The following CAMTA1 variants were observed in gnomAD, a reference collection of about 807,000 sequenced individuals.
CAMTA1 encodes calmodulin-binding transcription activator 1.
In CAMTA1, 27 loss-of-function variants were observed where a neutral mutation model predicts 170.9. That is an observed-to-expected ratio of 0.16 (90% CI 0.12 to 0.22). CAMTA1 has a LOEUF of 0.22. Ranked by LOEUF, CAMTA1 falls within the 10% of genes least tolerant of loss-of-function variation. The pLI is 1.00. For synonymous variants in CAMTA1, 833 were observed against 891.5 expected, an observed-to-expected ratio of 0.93 and a Z score of 1.17; for missense variants, 1,619 against 2,217.2, an observed-to-expected ratio of 0.73 and a Z score of 5.42.
Position 7,144,606 on chromosome 1 carries a change from C to T in CAMTA1, c.302+53235C>T, listed in dbSNP as rs56385977. ...AGGACTTACTCTCATTTTCAGAACTCGTTACGAGACTTGTTTATACAGATA... is the reference window on the plus strand; with the variant it reads ...AGGACTTACTCTCATTTTCAGAACTTGTTACGAGACTTGTTTATACAGATA... On this transcript the variant is annotated intron_variant, in intron 4 of 22. Coordinates refer to ENST00000303635, the MANE Select transcript of CAMTA1 (RefSeq NM_015215.4). This position sits in a 1 kb window ranked among gnomAD's most constrained non-coding sequence, Gnocchi z 4.0. Among the ~76,000 whole-genome samples, 7,312 of 152,160 alleles carry T rather than the reference C, an allele frequency of 0.048. 371 individuals carry two copies. Among genetic ancestry groups the T allele is most frequent in the African/African-American group, 0.14 (5,678 of 41,470 alleles).
intron 10 of CAMTA1, among the ~76,000 whole-genome samples, chr1:7,672,632 G>A (rs1161516930): frequency 6.6e-6 from 1 of 152,134 alleles, no homozygotes; most frequent in African/African-American, 2.4e-5. Context: ...ATGTTGGCCA[G>A]GCTGGTCTCG....
At chr1:6,980,100 C>T (rs748467547) in intron 3 of CAMTA1, among the ~76,000 whole-genome samples, 2 of 152,172 alleles carry the variant, frequency 1.3e-5, no homozygotes, top group Admixed American at 6.5e-5. Flanking sequence ...CCTTGGAGGG[C>T]GTGCCTCTTA....
chr1:7,304,178 G>A (rs997862213), intron 5 of CAMTA1, among the ~76,000 whole-genome samples: 1 of 152,180 alleles, frequency 6.6e-6, no homozygotes, highest in African/African-American at 2.4e-5. Context: ...CGTCCTCAAT[G>A]CCATTGAATG....
intron 5 of CAMTA1, among the ~76,000 whole-genome samples, chr1:7,288,058 T>A (rs1285215002): frequency 1.3e-5 from 2 of 152,206 alleles, no homozygotes; most frequent in Non-Finnish European, 2.9e-5. Flanking sequence ...CTTAATTTTC[T>A]AGAGAACCCC....
chr1:7,765,466 T>C (rs1218300679), intron 22 of CAMTA1, among the ~76,000 whole-genome samples: 1 of 152,242 alleles, frequency 6.6e-6, no homozygotes, highest in Non-Finnish European at 1.5e-5. Context: ...TTAAATTTGT[T>C]TACTACAGTA....
At chr1:7,499,390 T>C (rs1259393465) in intron 6 of CAMTA1, among the ~76,000 whole-genome samples, 2 of 137,542 alleles carry the variant, frequency 1.5e-5, no homozygotes, top group Non-Finnish European at 3.2e-5. Context: ...AGTGTGTGTG[T>C]GCATGTGTGT....
rs947881897 is a variant in CAMTA1, at chr1:7,647,442, C to T, written c.664+6889C>T. ...GGTGGCCAGTGGCAGCGGCCCCGCT[C>T]GGAGATGGGAGCCCCAGGGAAGCCT... On this transcript the variant is annotated intron_variant, in intron 7 of 22. Transcript: ENST00000303635. Among the ~76,000 whole-genome samples the T allele has an allele frequency of 6.6e-5, 10 of 152,164 alleles. No homozygotes were observed. The East Asian group carries it at 1.2e-3, about 18-fold the overall frequency.
intron 5 of CAMTA1, among the ~76,000 whole-genome samples, chr1:7,328,135 T>C (rs1317142210): frequency 6.6e-6 from 1 of 152,172 alleles, no homozygotes; most frequent in Non-Finnish European, 1.5e-5. Context: ...TGTTTTTGCT[T>C]TTCCTGACTG....
chr1:7,235,093 A>G (rs1267998696), intron 4 of CAMTA1, among the ~76,000 whole-genome samples: 2 of 152,044 alleles, frequency 1.3e-5, no homozygotes, highest in Non-Finnish European at 2.9e-5. Flanking sequence ...AGCCAAAAAT[A>G]CAAATTGATT....
chr1:7,169,221 A>G (rs1043706215), intron 4 of CAMTA1, among the ~76,000 whole-genome samples: 6 of 152,162 alleles, frequency 3.9e-5, no homozygotes, highest in African/African-American at 7.2e-5. Context: ...GTCTATGTTC[A>G]TGATTTATAA....
chr1:7,142,040 T>A (rs1441006005), intron 4 of CAMTA1: 13 of 512,360 alleles, frequency 2.5e-5, no homozygotes, highest in Non-Finnish European at 5.1e-5. Context: ...GCTAGCTTCC[T>A]CTGTGCTGGG....
chr1:6,885,361 TGTAGGGGATTAAGAAAATGAGA>T (rs1332448622), intron 3 of CAMTA1, among the ~76,000 whole-genome samples: 2 of 152,256 alleles, frequency 1.3e-5, no homozygotes, highest in Non-Finnish European at 2.9e-5. Flanking sequence ...AGTGTGTGTG[TGTAGGGGATTAAGAAAATGAGA>T]GTTCTGACAT....
chr1:7,068,820 T>C (rs1183551904), intron 3 of CAMTA1, among the ~76,000 whole-genome samples: 1 of 152,102 alleles, frequency 6.6e-6, no homozygotes, highest in East Asian at 1.9e-4. Flanking sequence ...CGTGAAAATC[T>C]TCTTTCTCTT....
chr1:7,057,252 A>G (rs1340958961), intron 3 of CAMTA1, among the ~76,000 whole-genome samples: 1 of 152,136 alleles, frequency 6.6e-6, no homozygotes, highest in Non-Finnish European at 1.5e-5. Flanking sequence ...TTGGAGACAC[A>G]TGTGCGCGGC....
chr1:6,949,278 T>G (rs1688058412), intron 3 of CAMTA1, among the ~76,000 whole-genome samples: 1 of 152,230 alleles, frequency 6.6e-6, no homozygotes, highest in Admixed American at 6.5e-5. Flanking sequence ...TTTCAGAGTT[T>G]CTAGCAGATA....
At chr1:6,833,001 T>G (rs1375675717) in intron 3 of CAMTA1, among the ~76,000 whole-genome samples, 2 of 152,126 alleles carry the variant, frequency 1.3e-5, no homozygotes, top group Non-Finnish European at 2.9e-5. Flanking sequence ...AGGCAGCCTG[T>G]GTCAAGTGTG....
chr1:7,335,772 TAAAA>T (rs5772272), intron 5 of CAMTA1, among the ~76,000 whole-genome samples: 50 of 142,848 alleles, frequency 3.5e-4, no homozygotes, highest in Non-Finnish European at 5.6e-4. Context: ...TAGATAACGT[TAAAA>T]AAAAAAAAAA....
intron 3 of CAMTA1, among the ~76,000 whole-genome samples, chr1:6,909,526 C>T (rs969726807): frequency 6.6e-6 from 1 of 152,202 alleles, no homozygotes; most frequent in East Asian, 1.9e-4. Context: ...CTACAGCAGA[C>T]CCTTGGGCTG....
chr1:7,032,304 A>T (rs1386579693), intron 3 of CAMTA1, among the ~76,000 whole-genome samples: 1 of 151,986 alleles, frequency 6.6e-6, no homozygotes, highest in African/African-American at 2.4e-5. Context: ...TTAACTGAAC[A>T]TTTTTTTATC....
Sources: gnomAD v4.1 joint callset for allele counts (sites outside exome capture counted in the v4.1 genomes callset) on GRCh38, gnomAD v4.1.1 for gene constraint, Gnocchi (gnomAD v3.1) non-coding constraint, MANE v1.5 for transcripts, NCBI Gene and HGNC (gene_info 2026-07-23, HGNC 2026-07-21) for gene names.